Variants in TNIK observed in about 807,000 individuals in gnomAD.
TNIK encodes the protein TRAF2 and NCK-interacting protein kinase.
TNIK carries 49 observed loss-of-function variants against 191.3 expected under a neutral mutation model. That is an observed-to-expected ratio of 0.26 (90% CI 0.20 to 0.32). The LOEUF (loss-of-function observed/expected upper bound fraction) is 0.32. Among genes scored for constraint, TNIK ranks in the 10% least tolerant of loss-of-function variants. TNIK has a pLI of 1.00. For synonymous variants in TNIK, 594 were observed against 600.9 expected, an observed-to-expected ratio of 0.99 and a Z score of 0.17; for missense variants, 1,155 against 1,702.3, an observed-to-expected ratio of 0.68 and a Z score of 5.66.
intron 21 of TNIK, among the ~76,000 whole-genome samples, chr3:171,106,055 G>C (rs942158465): frequency 6.6e-6 from 1 of 152,102 alleles, no homozygotes; most frequent in Admixed American, 6.6e-5. Flanking sequence ...CTTCAACTAT[G>C]ATCATAACTG....
intron 2 of TNIK, among the ~76,000 whole-genome samples, chr3:171,235,805 A>C (rs942632115): frequency 6.6e-6 from 1 of 151,518 alleles, no homozygotes; most frequent in Admixed American, 6.6e-5. Context: ...TTAGTATTCC[A>C]TGAAATCTGA....
At chr3:171,412,456 A>G (rs1018565488) in intron 1 of TNIK, among the ~76,000 whole-genome samples, 1 of 152,248 alleles carries the variant, frequency 6.6e-6, no homozygotes, top group African/African-American at 2.4e-5. Context: ...GTTACAGCCA[A>G]CAGAACAACT....
chr3:171,303,266 T>G (rs1219949594), intron 2 of TNIK, among the ~76,000 whole-genome samples: 1 of 152,214 alleles, frequency 6.6e-6, no homozygotes, highest in East Asian at 1.9e-4. Flanking sequence ...GCCCTGCCTC[T>G]TTCTATGCTT....
At chr3:171,232,128 TTA>T (rs1268895109) in intron 2 of TNIK, among the ~76,000 whole-genome samples, 1 of 152,144 alleles carries the variant, frequency 6.6e-6, no homozygotes, top group African/African-American at 2.4e-5. Context: ...CAATTCTAAT[TTA>T]TTTTTCCTTA....
intron 2 of TNIK, among the ~76,000 whole-genome samples, chr3:171,271,624 G>A (rs1749115124): frequency 6.6e-6 from 1 of 152,136 alleles, no homozygotes; most frequent in Non-Finnish European, 1.5e-5. Context: ...CTTTTTATGG[G>A]AAAGCTATTT....
chr3:171,456,959 C>T (rs770368104), intron 1 of TNIK, among the ~76,000 whole-genome samples: 2 of 152,224 alleles, frequency 1.3e-5, no homozygotes, highest in African/African-American at 4.8e-5. Flanking sequence ...TGACCTTGAA[C>T]AACTTACTTC....
intron 2 of TNIK, among the ~76,000 whole-genome samples, chr3:171,254,938 G>A (rs990547242): frequency 6.6e-6 from 1 of 152,200 alleles, no homozygotes; most frequent in African/African-American, 2.4e-5. Context: ...TTTGGGAATT[G>A]TGTTCTGAGA....
At chr3:171,291,694 C>G (rs1486601063) in intron 2 of TNIK, among the ~76,000 whole-genome samples, 1 of 152,146 alleles carries the variant, frequency 6.6e-6, no homozygotes. Flanking sequence ...AGCAATTTGA[C>G]TATGATATGC....
chr3:171,443,719 G>C (rs998849613), intron 1 of TNIK, among the ~76,000 whole-genome samples: 2 of 152,084 alleles, frequency 1.3e-5, no homozygotes, highest in African/African-American at 4.8e-5. Context: ...CCCAGCTCAA[G>C]AGGCTGAAGT....
intron 2 of TNIK, among the ~76,000 whole-genome samples, chr3:171,336,730 C>T (rs750836313): frequency 1.3e-5 from 2 of 152,110 alleles, no homozygotes; most frequent in Non-Finnish European, 2.9e-5. Context: ...GGGTACTTAC[C>T]AACCAACAGT....
At chr3:171,182,940 G>A (rs1293638420) in intron 7 of TNIK, among the ~76,000 whole-genome samples, 1 of 152,222 alleles carries the variant, frequency 6.6e-6, no homozygotes, top group Non-Finnish European at 1.5e-5. Context: ...ATGTCTTGCA[G>A]GACTGGTAAG....
intron 2 of TNIK, among the ~76,000 whole-genome samples, chr3:171,277,952 C>T (rs2109232552): frequency 6.6e-6 from 1 of 152,242 alleles, no homozygotes. Context: ...TCGCTTGAGC[C>T]CAGGATTAGA....
rs964236726 is a variant in TNIK at position 171,063,743 on chromosome 3, G to A, written c.*138C>T. The A allele has an allele frequency of 3.1e-5, 24 of 766,994 alleles. No individual in the cohort carries two copies. The highest frequency in any genetic ancestry group is 2.0e-4 in the African/African-American group (11 of 56,024). 47.5% of individuals were successfully genotyped at this position (766,994 alleles called of 1,614,324 possible). On this transcript the variant is annotated 3_prime_UTR_variant, in exon 33 of 33. Transcript: ENST00000436636. Reference sequence around the variant, plus strand: ...AAAGATGGACTGTACTGGGAGGGGCGGAGGGAGAGGAAAAAGGGAAAGCGA... The same window carrying A: ...AAAGATGGACTGTACTGGGAGGGGCAGAGGGAGAGGAAAAAGGGAAAGCGA...
intron 10 of TNIK, among the ~76,000 whole-genome samples, 161 bp downstream of exon 10, chr3:171,166,934 C>T (rs534984904): frequency 2.0e-5 from 3 of 152,284 alleles, no homozygotes; most frequent in Non-Finnish European, 2.9e-5. Flanking sequence ...AATAGTCTCA[C>T]GCCACTGATG....
intron 4 of TNIK, among the ~76,000 whole-genome samples, chr3:171,202,215 T>A (rs1316861825): frequency 1.3e-5 from 2 of 151,362 alleles, no homozygotes; most frequent in African/African-American, 2.4e-5. Flanking sequence ...ATATATATGT[T>A]TTTTTTTTGG....
At chr3:171,107,915 A>G (rs562084567) in intron 20 of TNIK, 150 bp downstream of exon 20, 7 of 678,288 alleles carry the variant, frequency 1.0e-5, no homozygotes, top group Middle Eastern at 3.6e-4. Flanking sequence ...TTTCCTAATC[A>G]GGTATGACTT....
chr3:171,443,347 T>G (rs1192072345), intron 1 of TNIK, among the ~76,000 whole-genome samples: 1 of 152,092 alleles, frequency 6.6e-6, no homozygotes, highest in Non-Finnish European at 1.5e-5. Context: ...TTGCAACATA[T>G]ATTATCTCAA....
chr3:171,084,455 T>C (rs1721085351), intron 25 of TNIK, 130 bp from the exon 26 acceptor site: 2 of 1,087,594 alleles, frequency 1.8e-6, no homozygotes, highest in Non-Finnish European at 1.3e-6. Flanking sequence ...TCTGAAACTC[T>C]CCTTATTTTA....
intron 2 of TNIK, among the ~76,000 whole-genome samples, chr3:171,256,335 G>A (rs1746866357): frequency 6.6e-6 from 1 of 152,174 alleles, no homozygotes; most frequent in East Asian, 1.9e-4. Flanking sequence ...TTAAAATAAG[G>A]AGAAAGAGAA....
Sources: gnomAD v4.1 joint callset for allele counts (sites outside exome capture counted in the v4.1 genomes callset) on GRCh38, gnomAD v4.1.1 for gene constraint, MANE v1.5 for transcripts, NCBI Gene and HGNC (gene_info 2026-07-23, HGNC 2026-07-21) for gene names.